BCAS3: variants seen among roughly 807,000 people sequenced by gnomAD.
The protein encoded by BCAS3 is BCAS3 microtubule associated cell migration factor, also known as BCAS4/BCAS3 fusion.
Under a neutral mutation model 116.1 loss-of-function variants are expected in BCAS3, and 53 were observed. The ratio of observed to expected loss-of-function variants is 0.46; its 90% CI spans 0.37 to 0.57. The LOEUF (loss-of-function observed/expected upper bound fraction) is 0.57. Among genes scored for constraint, BCAS3 ranks in the 20% least tolerant of loss-of-function variants. The pLI is 0.00. For synonymous variants in BCAS3, 391 were observed against 408.2 expected, an observed-to-expected ratio of 0.96 and a Z score of 0.51; for missense variants, 917 against 1,165.4, an observed-to-expected ratio of 0.79 and a Z score of 3.10.
intron 22 of BCAS3, among the ~76,000 whole-genome samples, chr17:61,218,292 C>T (rs2081920184): frequency 6.6e-6 from 1 of 152,210 alleles, no homozygotes; most frequent in East Asian, 1.9e-4. Flanking sequence ...CTTTTCCTAG[C>T]CGAAAGACTG....
At chr17:60,786,717 C>A (rs1269549640) in intron 6 of BCAS3, among the ~76,000 whole-genome samples, 1 of 151,978 alleles carries the variant, frequency 6.6e-6, no homozygotes, top group Non-Finnish European at 1.5e-5. Context: ...GTTTGCAGTT[C>A]AGCAATTGAA....
rs2078182159 is a variant in BCAS3 at position 61,161,783 on chromosome 17, T to C, written c.2425+77219T>C. On this transcript the variant is annotated intron_variant, in intron 22 of 23. Coordinates refer to ENST00000407086, the MANE Select transcript of BCAS3 (RefSeq NM_017679.5). This position sits in a 1 kb window ranked among gnomAD's most constrained non-coding sequence, Gnocchi z 4.8. ...GTGCCTGAGTTGCTGTCTGGTTGGTTGAACTCATTCTCCTCAGCTTATATT... is the reference window on the plus strand; with the variant it reads ...GTGCCTGAGTTGCTGTCTGGTTGGTCGAACTCATTCTCCTCAGCTTATATT... Among the ~76,000 whole-genome samples, 1 of 152,156 alleles carries C rather than the reference T, an allele frequency of 6.6e-6. No individual in the cohort carries two copies. The highest frequency in any genetic ancestry group is 2.1e-4 in the South Asian group (1 of 4,826).
In BCAS3 at chr17:61,151,341, G is replaced by T. The variant is rs2077527653; in HGVS notation, c.2425+66777G>T. ...AGCACTCCTGGTCCCAAGCATTTCG[G>T]ATAGGGGATAATCAACCTATACCAC... On this transcript the variant is annotated intron_variant, in intron 22 of 23. Transcript: ENST00000407086. The surrounding 1 kb of genome is among the most constrained non-coding windows in gnomAD (Gnocchi z 4.8). Among the ~76,000 whole-genome samples the T allele has an allele frequency of 6.6e-6, 1 of 151,574 alleles. No individual in the cohort carries two copies. Among genetic ancestry groups the T allele is most frequent in the Admixed American group, 6.6e-5 (1 of 15,248 alleles).
chr17:61,176,553 T>TTATG (rs2079162710), intron 22 of BCAS3, among the ~76,000 whole-genome samples: 2 of 149,714 alleles, frequency 1.3e-5, no homozygotes, highest in African/African-American at 4.9e-5. Flanking sequence ...ATTTATTTAT[T>TTATG]TATTTATTTA....
intron 22 of BCAS3, among the ~76,000 whole-genome samples, chr17:61,304,945 T>C (rs1440272067): frequency 1.3e-5 from 2 of 151,984 alleles, no homozygotes; most frequent in Non-Finnish European, 2.9e-5. Flanking sequence ...TTAGTAGAGA[T>C]GGAGTTTCAC....
Position 61,228,992 on chromosome 17 carries a change from A to G in BCAS3, c.2426-139335A>G, listed in dbSNP as rs2082518280. 6.6e-6 allele frequency among the ~76,000 whole-genome samples: 1 copy of G among 152,234 alleles called. No homozygotes were observed. The highest frequency in any genetic ancestry group is 2.1e-4 in the South Asian group (1 of 4,830). ...AAGGAAAAGTTCTTGAAGGGAATTA[A>G]AAGTGCCACTCCAGTGAGCACAGAA... On this transcript the variant is annotated intron_variant, in intron 22 of 23. Transcript: ENST00000407086. The surrounding 1 kb of genome is among the most constrained non-coding windows in gnomAD (Gnocchi z 5.0).
In BCAS3 at chr17:61,088,570, G is replaced by A. The variant is rs2073273064; in HGVS notation, c.2425+4006G>A. On this transcript the variant is annotated intron_variant, in intron 22 of 23. Transcript: ENST00000407086. This position sits in a 1 kb window ranked among gnomAD's most constrained non-coding sequence, Gnocchi z 4.2. ...CTAAAGAGAAAGCAGAAAGACAGCT[G>A]TCAATGTCTTGTTGGAACTTTGTTT... 6.6e-6 allele frequency among the ~76,000 whole-genome samples: 1 copy of A among 152,228 alleles called. No homozygotes were observed. Among genetic ancestry groups the A allele is most frequent in the Non-Finnish European group, 1.5e-5 (1 of 68,046 alleles).
At chr17:60,880,339 A>G (rs1211806663) in intron 9 of BCAS3, among the ~76,000 whole-genome samples, 1 of 151,458 alleles carries the variant, frequency 6.6e-6, no homozygotes, top group Non-Finnish European at 1.5e-5. Flanking sequence ...GCCAGGCTGG[A>G]GTGCTGTGGC....
At position 61,387,498 on chromosome 17, in the gene BCAS3, C is replaced by G. The variant is rs999309821; in HGVS notation, c.2594-4479C>G. ...GCTTGCTTTTTTTTCACCCTGAGAA[C>G]AGTAGTGCCAAGGATCCGGCTGTCT... On this transcript the variant is annotated intron_variant, in intron 23 of 23. Transcript: ENST00000407086. This position sits in a 1 kb window ranked among gnomAD's most constrained non-coding sequence, Gnocchi z 6.2. Among the ~76,000 whole-genome samples, 2 of 152,176 alleles carry G rather than the reference C, an allele frequency of 1.3e-5. No homozygotes were observed. The highest frequency in any genetic ancestry group is 2.9e-5 in the Non-Finnish European group (2 of 68,020).
In BCAS3 at chr17:61,388,600, T is replaced by A; in HGVS notation, c.2594-3377T>A. On this transcript the variant is annotated intron_variant, in intron 23 of 23. Coordinates refer to ENST00000407086, the MANE Select transcript of BCAS3 (RefSeq NM_017679.5). The surrounding 1 kb of genome is among the most constrained non-coding windows in gnomAD (Gnocchi z 6.5). Reference sequence around the variant, plus strand: ...TATCTTTTCCAAAAAGATTCCTCAATGCTTTTCTTTTCAAAAGGGAAAAAA... The same window carrying A: ...TATCTTTTCCAAAAAGATTCCTCAAAGCTTTTCTTTTCAAAAGGGAAAAAA... 6.5e-7 allele frequency: 1 copy of A among 1,530,358 alleles called. No individual in the cohort carries two copies. Among genetic ancestry groups the A allele is most frequent in the African/African-American group, 1.4e-5 (1 of 72,150 alleles). 94.8% of individuals were successfully genotyped at this position (1,530,358 alleles called of 1,614,324 possible). A position where few individuals can be genotyped will look rare whatever the true frequency, so the allele number is the denominator to read the frequency against.
At chr17:60,699,092 GA>G in intron 4 of BCAS3, among the ~76,000 whole-genome samples, 1 of 151,712 alleles carries the variant, frequency 6.6e-6, no homozygotes, top group Non-Finnish European at 1.5e-5. Flanking sequence ...AACAAAACAA[GA>G]ACAACAAAAA....
In BCAS3 at chr17:61,078,668, C is replaced by T. The variant is rs2072255918; in HGVS notation, c.2327+139C>T. On this transcript the variant is annotated intron_variant, in intron 21 of 23. Coordinates refer to ENST00000407086, the MANE Select transcript of BCAS3 (RefSeq NM_017679.5). Reference sequence around the variant, plus strand: ...ACTACATGTACTGTTGCACGTAATTCCCTGTCATTACTTGAGATGGTATAT... The same window carrying T: ...ACTACATGTACTGTTGCACGTAATTTCCTGTCATTACTTGAGATGGTATAT... The T allele has an allele frequency of 3.1e-5, 21 of 688,062 alleles. No homozygotes were observed. The South Asian group carries it at 3.9e-4, about 13-fold the overall frequency. 42.6% of individuals were successfully genotyped at this position (688,062 alleles called of 1,614,324 possible). A position where few individuals can be genotyped will look rare whatever the true frequency, so the allele number is the denominator to read the frequency against.
chr17:61,211,670 TAA>T lies in BCAS3; in HGVS notation c.2425+127121_2425+127122del, dbSNP rs375741742. Among the ~76,000 whole-genome samples the T allele has an allele frequency of 4.5e-3, 392 of 86,698 alleles. 1 individual carries two copies. The highest frequency in any genetic ancestry group is 0.011 in the African/African-American group (381 of 35,422). The allele number at this position is 86,698 out of a possible 152,430, so 56.9% of individuals were successfully genotyped here. A position where few individuals can be genotyped will look rare whatever the true frequency, so the allele number is the denominator to read the frequency against. On this transcript the variant is annotated intron_variant, in intron 22 of 23. Transcript: ENST00000407086. The surrounding 1 kb of genome is among the most constrained non-coding windows in gnomAD (Gnocchi z 4.4). Reference sequence around the variant, plus strand: ...TGTTTGCATCCAGGTCATTTCTCCATAAAAAAAAAAAAAAAATGCCACTGACA... The same window carrying T: ...TGTTTGCATCCAGGTCATTTCTCCATAAAAAAAAAAAAAATGCCACTGACA...
chr17:60,863,705 A>G (rs961581357), intron 7 of BCAS3, among the ~76,000 whole-genome samples: 1 of 152,186 alleles, frequency 6.6e-6, no homozygotes, highest in African/African-American at 2.4e-5. Flanking sequence ...AGTGAATTCC[A>G]TTTCAGGTGA....
At chr17:60,829,234 C>T (rs2050699289) in intron 7 of BCAS3, among the ~76,000 whole-genome samples, 2 of 152,124 alleles carry the variant, frequency 1.3e-5, no homozygotes, top group African/African-American at 4.8e-5. Context: ...GTGGCTCACA[C>T]CTGTAATCCC....
rs1176391234 is a variant in BCAS3, at chr17:61,249,447, C to T, written c.2426-118880C>T. Among the ~76,000 whole-genome samples, 6 of 152,146 alleles carry T rather than the reference C, an allele frequency of 3.9e-5. No individual in the cohort carries two copies. The highest frequency in any genetic ancestry group is 3.3e-4 in the Admixed American group (5 of 15,274). On this transcript the variant is annotated intron_variant, in intron 22 of 23. Coordinates refer to ENST00000407086, the MANE Select transcript of BCAS3 (RefSeq NM_017679.5). The surrounding 1 kb of genome is among the most constrained non-coding windows in gnomAD (Gnocchi z 6.2). Reference sequence around the variant, plus strand: ...AAAGTTAATTTTAATCCTCCAAAGGCTTATTTGCTAGCACAAAAGGTCATG... The same window carrying T: ...AAAGTTAATTTTAATCCTCCAAAGGTTTATTTGCTAGCACAAAAGGTCATG...
rs1050884475 is a variant in BCAS3 at position 61,261,277 on chromosome 17, C to T, written c.2426-107050C>T. 1.3e-5 allele frequency among the ~76,000 whole-genome samples: 2 copies of T among 152,170 alleles called. No individual in the cohort carries two copies. The highest frequency in any genetic ancestry group is 4.8e-5 in the African/African-American group (2 of 41,446). On this transcript the variant is annotated intron_variant, in intron 22 of 23. Transcript: ENST00000407086. The surrounding 1 kb of genome is among the most constrained non-coding windows in gnomAD (Gnocchi z 4.4). Reference sequence around the variant, plus strand: ...TTCAAGAATATGTTTAGAGGAGCTGCGACCCAGGGAAATCCTGCCTCCCAG... The same window carrying T: ...TTCAAGAATATGTTTAGAGGAGCTGTGACCCAGGGAAATCCTGCCTCCCAG...
rs981220907 is a variant in BCAS3 at position 61,348,993 on chromosome 17, C to T, written c.2426-19334C>T. ...GGTCTTGATCTCCTGACCTCATGATCCACCCACCTCAGCCTCCCAAAGTGC... is the reference window on the plus strand; with the variant it reads ...GGTCTTGATCTCCTGACCTCATGATTCACCCACCTCAGCCTCCCAAAGTGC... On this transcript the variant is annotated intron_variant, in intron 22 of 23. Transcript: ENST00000407086. The surrounding 1 kb of genome is among the most constrained non-coding windows in gnomAD (Gnocchi z 4.5). 6.6e-6 allele frequency among the ~76,000 whole-genome samples: 1 copy of T among 151,984 alleles called. No homozygotes were observed. Among genetic ancestry groups the T allele is most frequent in the Non-Finnish European group, 1.5e-5 (1 of 67,992 alleles).
At chr17:61,052,719 T>C (rs1289877414) in intron 19 of BCAS3, among the ~76,000 whole-genome samples, 96 of 126,890 alleles carry the variant, frequency 7.6e-4, no homozygotes, top group African/African-American at 2.8e-3. Flanking sequence ...TTCTTTCTTT[T>C]TTTTTTTTTT....
Sources: gnomAD v4.1 joint callset for allele counts (sites outside exome capture counted in the v4.1 genomes callset) on GRCh38, gnomAD v4.1.1 for gene constraint, Gnocchi (gnomAD v3.1) non-coding constraint, MANE v1.5 for transcripts, NCBI Gene and HGNC (gene_info 2026-07-23, HGNC 2026-07-21) for gene names.